Variants in RGS17 observed in about 807,000 individuals in gnomAD.
The protein encoded by RGS17 is regulator of G protein signaling 17.
RGS17 carries 12 observed loss-of-function variants against 25.5 expected under a neutral mutation model. The ratio of observed to expected loss-of-function variants is 0.47; its 90% CI spans 0.30 to 0.76. RGS17 has a LOEUF of 0.76. Among genes scored for constraint, RGS17 ranks in the 30% least tolerant of loss-of-function variants. RGS17 has a pLI of 0.07. For synonymous variants in RGS17, 71 were observed against 76.9 expected, an observed-to-expected ratio of 0.92 and a Z score of 0.40; for missense variants, 196 against 242.2, an observed-to-expected ratio of 0.81 and a Z score of 1.27.
chr6:153,108,992 G>A (rs1159532538), intron 1 of RGS17, among the ~76,000 whole-genome samples: 1 of 152,048 alleles, frequency 6.6e-6, no homozygotes, highest in Non-Finnish European at 1.5e-5. Flanking sequence ...AACAGTGCTA[G>A]CACATAGTGG....
intron 1 of RGS17, among the ~76,000 whole-genome samples, chr6:153,118,380 G>A (rs1180097361): frequency 1.3e-5 from 2 of 152,128 alleles, no homozygotes; most frequent in African/African-American, 4.8e-5. Context: ...TCATCACATT[G>A]TCTAACATGT....
chr6:153,117,568 C>T (rs757029799), intron 1 of RGS17, among the ~76,000 whole-genome samples: 5 of 152,146 alleles, frequency 3.3e-5, no homozygotes, highest in South Asian at 2.1e-4. Flanking sequence ...CATATTAGTA[C>T]CATTAATATT....
intron 1 of RGS17, among the ~76,000 whole-genome samples, chr6:153,087,160 G>A (rs1374408838): frequency 4.8e-5 from 2 of 41,482 alleles, no homozygotes; most frequent in Non-Finnish European, 1.4e-4. Context: ...GTGCACGCTT[G>A]TAATCCCAGC....
Position 153,059,613 on chromosome 6 carries a change from G to A in RGS17, c.-25-15570C>T, listed in dbSNP as rs550452590. On this transcript the variant is annotated intron_variant, in intron 1 of 4. Transcript: ENST00000206262. ...CACTCAGTAATTGTAAGGAATAAAA[G>A]AAACCCTATTTATTGCTAGTTTTTA... Among the ~76,000 whole-genome samples the A allele has an allele frequency of 1.3e-5, 2 of 152,156 alleles. 1 individual carries two copies. The highest frequency in any genetic ancestry group is 4.1e-4 in the South Asian group (2 of 4,826).
chr6:153,042,325 C>A (rs1584130518), intron 2 of RGS17, among the ~76,000 whole-genome samples: 1 of 152,312 alleles, frequency 6.6e-6, no homozygotes, highest in South Asian at 2.1e-4. Context: ...TCATAATCCC[C>A]ATGTGTCATG....
intron 1 of RGS17, among the ~76,000 whole-genome samples, chr6:153,109,062 T>C (rs1048578040): frequency 1.3e-5 from 2 of 151,782 alleles, no homozygotes; most frequent in South Asian, 2.1e-4. Flanking sequence ...AGACTATTTC[T>C]ATAAAAGCCA....
rs1239941512 is a variant in RGS17 at position 153,054,034 on chromosome 6, CATATATAT to C, written c.-25-9999_-25-9992del. ...CGTATATATGTATATAATATATATACATATATATGTATATATGTATATAATATATATAC... is the reference window on the plus strand; with the variant it reads ...CGTATATATGTATATAATATATATACGTATATATGTATATAATATATATAC... On this transcript the variant is annotated intron_variant, in intron 1 of 4. Transcript: ENST00000206262. 1.1e-3 allele frequency among the ~76,000 whole-genome samples: 57 copies of C among 51,850 alleles called. 3 individuals are homozygous for C. The highest frequency in any genetic ancestry group is 4.5e-3 in the African/African-American group (55 of 12,230). The allele number at this position is 51,850 out of a possible 152,430, so 34.0% of individuals were successfully genotyped here.
chr6:153,080,838 GTTTTT>G (rs140299894), intron 1 of RGS17, among the ~76,000 whole-genome samples: 2 of 142,744 alleles, frequency 1.4e-5, no homozygotes, highest in South Asian at 4.4e-4. Context: ...CATTTCTCCT[GTTTTT>G]TTTTTAATCC....
chr6:153,034,701 C>T (rs1010864294), intron 2 of RGS17, among the ~76,000 whole-genome samples: 1 of 152,130 alleles, frequency 6.6e-6, no homozygotes, highest in African/African-American at 2.4e-5. Flanking sequence ...CCCATACAGC[C>T]TCTTGAAAGT....
chr6:153,078,569 T>C (rs2129118725), intron 1 of RGS17, among the ~76,000 whole-genome samples: 1 of 151,086 alleles, frequency 6.6e-6, no homozygotes, highest in East Asian at 1.9e-4. Context: ...ACTTACAAAT[T>C]GCTTTTAAAA....
intron 1 of RGS17, among the ~76,000 whole-genome samples, chr6:153,093,512 G>A (rs906335321): frequency 6.6e-6 from 1 of 152,144 alleles, no homozygotes; most frequent in Non-Finnish European, 1.5e-5. Context: ...TTCAGTACCA[G>A]GCAAGGGACT....
chr6:153,029,040 A>G (rs963164902), intron 2 of RGS17, among the ~76,000 whole-genome samples: 1 of 152,204 alleles, frequency 6.6e-6, no homozygotes, highest in African/African-American at 2.4e-5. Flanking sequence ...AACATCCCAA[A>G]TGCTACCATA....
At chr6:153,012,626 G>A (rs916062760) in intron 4 of RGS17, among the ~76,000 whole-genome samples, 5 of 152,082 alleles carry the variant, frequency 3.3e-5, no homozygotes, top group African/African-American at 4.8e-5. Context: ...AAAGCCCTGC[G>A]CTGAAACACC....
At chr6:153,068,603 G>A (rs553356217) in intron 1 of RGS17, among the ~76,000 whole-genome samples, 1 of 151,998 alleles carries the variant, frequency 6.6e-6, no homozygotes, top group Non-Finnish European at 1.5e-5. Flanking sequence ...TAGTCAAGAG[G>A]GATCACATCA....
intron 1 of RGS17, among the ~76,000 whole-genome samples, chr6:153,075,289 T>C (rs1200096759): frequency 6.6e-6 from 1 of 152,172 alleles, no homozygotes; most frequent in African/African-American, 2.4e-5. Flanking sequence ...GTAAGTTGCA[T>C]CTGAACTAGG....
At chr6:153,091,902 C>T (rs1163802152) in intron 1 of RGS17, among the ~76,000 whole-genome samples, 1 of 152,074 alleles carries the variant, frequency 6.6e-6, no homozygotes, top group Non-Finnish European at 1.5e-5. Flanking sequence ...AAATGAAAAA[C>T]AAGAATCTCA....
In RGS17 at chr6:153,115,512, T is replaced by C. The variant is rs965856574; in HGVS notation, c.-26+15612A>G. The stretch of plus-strand genomic sequence containing the variant: ...CAGCCATACTGCCCAAAGTAATTTA[T>C]AGATTCAATGCTATCCCCATCTAGC... On this transcript the variant is annotated intron_variant, in intron 1 of 4. Coordinates refer to ENST00000206262, the MANE Select transcript of RGS17 (RefSeq NM_012419.5). Among the ~76,000 whole-genome samples the C allele has an allele frequency of 5.3e-5, 8 of 152,206 alleles. No homozygotes were observed. The East Asian group carries it at 5.8e-4, about 11-fold the overall frequency.
chr6:153,029,320 G>A (rs1047375443), intron 2 of RGS17, among the ~76,000 whole-genome samples: 14 of 152,154 alleles, frequency 9.2e-5, no homozygotes, highest in African/African-American at 3.4e-4. Flanking sequence ...ATCAAGAACT[G>A]CTGAAAATAC....
intron 4 of RGS17, among the ~76,000 whole-genome samples, chr6:153,021,690 A>G (rs1282947858): frequency 6.6e-6 from 1 of 152,258 alleles, no homozygotes; most frequent in Non-Finnish European, 1.5e-5. Flanking sequence ...CGGCAAAATT[A>G]GAACAAGTTG....
Sources: allele counts gnomAD v4.1 joint callset (sites outside exome capture counted in the v4.1 genomes callset), GRCh38; gene constraint gnomAD v4.1.1; transcripts MANE v1.5; gene names NCBI Gene and HGNC (gene_info 2026-07-23, HGNC 2026-07-21).